The following DHRS12 variants were observed in gnomAD, a reference collection of about 807,000 sequenced individuals.
The protein encoded by DHRS12 is dehydrogenase/reductase 12, also known as dehydrogenase/reductase SDR family member 12.
A neutral mutation model predicts 32.1 loss-of-function variants in DHRS12; 29 were observed. That is an observed-to-expected ratio of 0.90 (90% CI 0.67 to 1.23). The LOEUF is 1.23. Among genes scored for constraint, DHRS12 ranks in the 50% most tolerant of loss-of-function variants. The probability of loss-of-function intolerance (pLI) is 0.00; values close to 1 mark genes in which losing one functional copy is unlikely to be tolerated. For synonymous variants in DHRS12, 150 were observed against 135.9 expected, an observed-to-expected ratio of 1.10 and a Z score of -0.72; for missense variants, 330 against 337.2, an observed-to-expected ratio of 0.98 and a Z score of 0.17.
intron 4 of DHRS12, among the ~76,000 whole-genome samples, chr13:51,781,795 G>T (rs143178888): frequency 2.6e-5 from 4 of 152,306 alleles, no homozygotes; most frequent in African/African-American, 9.6e-5. Flanking sequence ...CCAGAGACAC[G>T]CACCTCATAT....
In DHRS12 at chr13:51,773,990, G is replaced by A. The variant is rs140617753; in HGVS notation, c.408C>T (p.Thr136=). The stretch of plus-strand genomic sequence containing the variant: ...GTGTTCTTTCGGACTGGAGATCATT[G>A]GTGTTCAGTTTCTGAACCAACATTC... ...SGGMLVQKLN[T]NDLQSERTPF... is the part of the protein sequence containing the mutation. The change falls in exon 6 of 9, where the codon ACC becomes ACT. Residue 136 remains threonine (T), a synonymous_variant. Transcript: ENST00000444610. 1.9e-6 allele frequency: 3 copies of A among 1,613,822 alleles called. No homozygotes were observed. The African/African-American group carries it at 4.0e-5, about 22-fold the overall frequency.
At position 51,787,842 on chromosome 13, in the gene DHRS12, T is replaced by TAATATATAATTATATATAATATATA. The variant is rs1297478830; in HGVS notation, c.301+2144_301+2168dup. On this transcript the variant is annotated intron_variant, in intron 4 of 8. Coordinates refer to ENST00000444610, the MANE Select transcript of DHRS12 (RefSeq NM_001377533.1). ...ATATATTATAAATTATATAAACATA[T>TAATATATAATTATATATAATATATA]AATATATAATTATATATAATATATA... Among the ~76,000 whole-genome samples, 39 of 125,532 alleles carry TAATATATAATTATATATAATATATA rather than the reference T, an allele frequency of 3.1e-4. No homozygotes were observed. The East Asian group carries it at 3.2e-3, about 10-fold the overall frequency. The allele number at this position is 125,532 out of a possible 152,430, so 82.4% of individuals were successfully genotyped here. A position where few individuals can be genotyped will look rare whatever the true frequency, so the allele number is the denominator to read the frequency against.
intron 4 of DHRS12, among the ~76,000 whole-genome samples, chr13:51,781,582 T>G (rs1954710860): frequency 6.6e-6 from 1 of 152,042 alleles, no homozygotes; most frequent in Non-Finnish European, 1.5e-5. Context: ...CTGCATGAAC[T>G]GTGAAGGGAC....
downstream of DHRS12, chr13:51,763,315 G>A (rs1490619608): frequency 6.6e-6 from 1 of 152,080 alleles, no homozygotes; most frequent in South Asian, 2.1e-4. Context: ...GCCCTGTGGT[G>A]GGGGAGGTAA....
chr13:51,786,322 C>T lies in DHRS12; in HGVS notation c.301+3689G>A, dbSNP rs140123121. ...GCGGGTGAGAGTTTTAATCTGCTAA[C>T]GCTAGGCTGTGGCAGGCTGCCAGCA... On this transcript the variant is annotated intron_variant, in intron 4 of 8. Transcript: ENST00000444610. Among the ~76,000 whole-genome samples, 679 of 152,326 alleles carry T rather than the reference C, an allele frequency of 4.5e-3. 7 individuals carry two copies. Among genetic ancestry groups the T allele is most frequent in the African/African-American group, 0.016 (653 of 41,566 alleles).
At chr13:51,758,722 T>A in the DHRS12 span, among the ~76,000 whole-genome samples, 2 of 152,036 alleles carry the variant, frequency 1.3e-5, no homozygotes, top group Non-Finnish European at 2.9e-5. Flanking sequence ...CTAAAAAGAC[T>A]GTAATAGGTC....
In DHRS12 at chr13:51,768,021, T is replaced by C; in HGVS notation, c.*166A>G. ...AAGGTGAGCCTGATCACAGCCTCGGTAGTATTTATTTTGAAATAAAAGTTC... is the reference window on the plus strand; with the variant it reads ...AAGGTGAGCCTGATCACAGCCTCGGCAGTATTTATTTTGAAATAAAAGTTC... On this transcript the variant is annotated 3_prime_UTR_variant, in exon 9 of 9. Transcript: ENST00000444610. The C allele has an allele frequency of 7.0e-7, 1 of 1,426,000 alleles. No homozygotes were observed. The allele number at this position is 1,426,000 out of a possible 1,614,324, so 88.3% of individuals were successfully genotyped here. A position where few individuals can be genotyped will look rare whatever the true frequency, so the allele number is the denominator to read the frequency against.
chr13:51,765,430 A>G (rs1014599299), downstream of DHRS12: 2 of 152,210 alleles, frequency 1.3e-5, no homozygotes, highest in African/African-American at 4.8e-5. Flanking sequence ...TCTTCCTTGC[A>G]TGTCCCATAC....
chr13:51,768,062 C>CT lies in DHRS12; in HGVS notation c.*124dup. ...ATAAAAGTTCCCATCCCTTGTAGGC[C>CT]TCGCTGTGAGGCACAACGTCTTCGA... On this transcript the variant is annotated 3_prime_UTR_variant, in exon 9 of 9. Coordinates refer to ENST00000444610, the MANE Select transcript of DHRS12 (RefSeq NM_001377533.1). 1 of 1,463,490 alleles carries CT rather than the reference C, an allele frequency of 6.8e-7. No individual in the cohort carries two copies. Among genetic ancestry groups the CT allele is most frequent in the Non-Finnish European group, 9.0e-7 (1 of 1,111,830 alleles). 90.7% of individuals were successfully genotyped at this position (1,463,490 alleles called of 1,614,324 possible).
chr13:51,803,899 G>T, intron 1 of DHRS12, 155 bp downstream of exon 1: 1 of 625,762 alleles, frequency 1.6e-6, no homozygotes, highest in Non-Finnish European at 2.3e-6. Context: ...GCCGTGGGTC[G>T]CTAGACGGCG....
At chr13:51,762,995 A>G (rs549861063), downstream of DHRS12, 4 of 152,202 alleles carry the variant, frequency 2.6e-5, no homozygotes, top group Admixed American at 6.5e-5. Flanking sequence ...TATGGGGTCA[A>G]TCCACCATAA....
At chr13:51,800,910 G>A (rs1255815673) in intron 1 of DHRS12, among the ~76,000 whole-genome samples, 5 of 152,210 alleles carry the variant, frequency 3.3e-5, no homozygotes, top group Non-Finnish European at 7.3e-5. Context: ...GCTGTGAGTG[G>A]CAAGCAAGAC....
At chr13:51,771,282 C>G in intron 7 of DHRS12, 2 of 1,556,514 alleles carry the variant, frequency 1.3e-6, no homozygotes, top group Non-Finnish European at 1.7e-6. Context: ...GCAGAGAGCC[C>G]AGGTGAGCTG....
downstream of DHRS12, chr13:51,765,083 G>A (rs1593494566): frequency 6.6e-6 from 1 of 152,158 alleles, no homozygotes; most frequent in Non-Finnish European, 1.5e-5. Flanking sequence ...AAGGCAGAGA[G>A]TTTCGTCAAT....
chr13:51,790,631 C>T (rs1566300435), intron 3 of DHRS12, among the ~76,000 whole-genome samples: 2 of 152,100 alleles, frequency 1.3e-5, no homozygotes. Context: ...CACTGGACAG[C>T]ACAATTCCAG....
the DHRS12 span, chr13:51,760,415 CTG>C: frequency 6.6e-6 from 1 of 152,064 alleles, no homozygotes; most frequent in African/African-American, 2.4e-5. Flanking sequence ...GTAGAAAAGA[CTG>C]TGTTTCTGCC....
chr13:51,800,759 A>C (rs1330364757), intron 1 of DHRS12, among the ~76,000 whole-genome samples: 1 of 152,244 alleles, frequency 6.6e-6, no homozygotes, highest in Non-Finnish European at 1.5e-5. Flanking sequence ...TTTGAAAGTC[A>C]TTGCCACGGG....
At chr13:51,787,604 C>T (rs1955015501) in intron 4 of DHRS12, among the ~76,000 whole-genome samples, 1 of 150,130 alleles carries the variant, frequency 6.7e-6, no homozygotes, top group Non-Finnish European at 1.5e-5. Flanking sequence ...CAATCTCTCT[C>T]AACCTCAGTT....
chr13:51,766,847 C>T (rs144605716), downstream of DHRS12: 1 of 152,374 alleles, frequency 6.6e-6, no homozygotes, highest in East Asian at 1.9e-4. Context: ...CACCGACAAC[C>T]TTGCTGTGCT....
Sources: gnomAD v4.1 joint callset for allele counts (sites outside exome capture counted in the v4.1 genomes callset) on GRCh38, gnomAD v4.1.1 for gene constraint, MANE v1.5 for transcripts, NCBI Gene and HGNC (gene_info 2026-07-23, HGNC 2026-07-21) for gene names.